The following ELP6 variants were observed in gnomAD, a reference collection of about 807,000 sequenced individuals.
ELP6 encodes elongator acetyltransferase complex subunit 6.
A neutral mutation model predicts 28.1 loss-of-function variants in ELP6; 23 were observed. That is an observed-to-expected ratio of 0.82 (90% CI 0.59 to 1.16). The LOEUF (loss-of-function observed/expected upper bound fraction) is 1.16. ELP6 is among the 50% of genes most tolerant of loss of function. The pLI is 0.00. For synonymous variants in ELP6, 132 were observed against 135.8 expected, an observed-to-expected ratio of 0.97 and a Z score of 0.19; for missense variants, 313 against 334.6, an observed-to-expected ratio of 0.94 and a Z score of 0.50.
At chr3:47,506,809 G>A (rs1003173746) in intron 3 of ELP6, among the ~76,000 whole-genome samples, 1 of 152,180 alleles carries the variant, frequency 6.6e-6, no homozygotes, top group African/African-American at 2.4e-5. Flanking sequence ...AAGAGATTAA[G>A]TAAAGACAGG....
intron 1 of ELP6, chr3:47,512,758 G>C (rs1709051266): frequency 2.1e-6 from 2 of 957,550 alleles, no homozygotes; most frequent in East Asian, 2.3e-4. Context: ...AGGAGGAAGA[G>C]TAAGAAGAAC....
rs775581894 is a variant in ELP6 at position 47,513,553 on chromosome 3, G to C, written c.38C>G (p.Pro13Arg). ...VELNNLLNTT[P>R]DRAEQGKLTL... ...ACCTCTTACCTGCTCCGCCCTGTCGGGGGTGGTGTTAAGCAGGTTATTAAG... is the reference window on the plus strand; with the variant it reads ...ACCTCTTACCTGCTCCGCCCTGTCGCGGGTGGTGTTAAGCAGGTTATTAAG... The change falls in exon 1 of 7, where the codon CCC (proline) becomes CGC (arginine). Residue 13 changes from proline to arginine, a missense_variant. Pro to Arg is a moderately radical substitution (Grantham distance 103, BLOSUM62 -2). Coordinates refer to ENST00000296149, the MANE Select transcript of ELP6 (RefSeq NM_001031703.3). 1.4e-5 allele frequency: 23 copies of C among 1,612,732 alleles called. No homozygotes were observed. Among genetic ancestry groups the C allele is most frequent in the Admixed American group, 3.3e-5 (2 of 59,840 alleles).
At chr3:47,508,782 T>G (rs1324948905) in intron 3 of ELP6, among the ~76,000 whole-genome samples, 11 of 149,314 alleles carry the variant, frequency 7.4e-5, no homozygotes, top group African/African-American at 2.7e-4. Context: ...TTTTTTTTTT[T>G]GAGATGGAGT....
intron 1 of ELP6, chr3:47,511,707 G>T: frequency 2.8e-6 from 2 of 720,300 alleles, no homozygotes; most frequent in Non-Finnish European, 3.4e-6. Flanking sequence ...AGCAGTTGCT[G>T]ATACAGATGT....
intron 1 of ELP6, chr3:47,511,847 C>T (rs1709025858): frequency 2.0e-6 from 2 of 985,628 alleles, no homozygotes; most frequent in Admixed American, 6.1e-5. Flanking sequence ...CTGTCAGTGA[C>T]AGGGAAGGTC....
At chr3:47,513,086 G>A in intron 1 of ELP6, 1 of 912,254 alleles carries the variant, frequency 1.1e-6, no homozygotes, top group Non-Finnish European at 1.3e-6. Context: ...CGCCTCCCGG[G>A]TTCAAGCAAT....
intron 1 of ELP6, chr3:47,512,482 G>C: frequency 2.5e-6 from 1 of 407,748 alleles, no homozygotes; most frequent in East Asian, 1.6e-4. Context: ...AACCCGGGAG[G>C]TGAGGTTGCA....
At chr3:47,513,129 T>C in intron 1 of ELP6, 1 of 854,668 alleles carries the variant, frequency 1.2e-6, no homozygotes, top group Non-Finnish European at 1.4e-6. Context: ...TAGCTGAGAT[T>C]ACAGGCATGA....
Position 47,509,690 on chromosome 3 carries a change from G to A in ELP6, c.204+494C>T, listed in dbSNP as rs116061701. On this transcript the variant is annotated intron_variant, in intron 3 of 6. Transcript: ENST00000296149. ...ATTAATTAACATCTACAAACAGCAG[G>A]TCTGGTTCTACGAAGTCTCGAATAA... 1.0e-2 allele frequency among the ~76,000 whole-genome samples: 1,521 copies of A among 152,270 alleles called. 10 individuals carry two copies. Among genetic ancestry groups the A allele is most frequent in the Middle Eastern group, 0.031 (9 of 292 alleles).
intron 4 of ELP6, chr3:47,504,049 A>G (rs1708751336): frequency 2.7e-6 from 1 of 364,308 alleles, no homozygotes; most frequent in South Asian, 7.1e-5. Flanking sequence ...GCACAGGTGT[A>G]TACTAGGGCT....
At chr3:47,506,571 C>A (rs1708844743) in intron 3 of ELP6, among the ~76,000 whole-genome samples, 1 of 152,212 alleles carries the variant, frequency 6.6e-6, no homozygotes, top group Non-Finnish European at 1.5e-5. Flanking sequence ...CTCCCATTTG[C>A]TTTTGAAAGA....
rs1348693122 is a variant in ELP6 at position 47,498,331 on chromosome 3, C to G, written c.627G>C (p.Arg209=). The part of the protein sequence containing the change: ...GLSHQSHLIL[R]AEGLATGFCR... ...AGAAGCCAGTGGCCAGGCCCTCAGC[C>G]CGCAGTATCAGATGGCTCTGATGAC... The change falls in exon 6 of 7, where the codon CGG becomes CGC. Residue 209 remains arginine, a synonymous_variant. Transcript: ENST00000296149. 6.2e-7 allele frequency: 1 copy of G among 1,613,804 alleles called. No individual in the cohort carries two copies. Among genetic ancestry groups the G allele is most frequent in the South Asian group, 1.1e-5 (1 of 91,086 alleles).
rs13065806 is a variant in ELP6, at chr3:47,499,730, A to G, written c.526-1298T>C. The G allele has an allele frequency of 9.0e-6, 9 of 1,003,008 alleles. No individual in the cohort carries two copies. In the Admixed American group the frequency reaches 4.8e-4, roughly 53 times the overall value. The allele number at this position is 1,003,008 out of a possible 1,614,324, so 62.1% of individuals were successfully genotyped here. A position where few individuals can be genotyped will look rare whatever the true frequency, so the allele number is the denominator to read the frequency against. Reference sequence around the variant, plus strand: ...AAAAAAAAAAGAATAGTAATAAAAAAGAAAAAGAATAAGTGGCTCCTGTAG... The same window carrying G: ...AAAAAAAAAAGAATAGTAATAAAAAGGAAAAAGAATAAGTGGCTCCTGTAG... On this transcript the variant is annotated intron_variant, in intron 5 of 6. Transcript: ENST00000296149.
At chr3:47,500,174 G>A (rs79779598) in intron 5 of ELP6, 1 of 1,124,984 alleles carries the variant, frequency 8.9e-7, no homozygotes, top group African/African-American at 1.7e-5. Context: ...AGATCCATGT[G>A]TTATTTTTGG....
At chr3:47,498,249 G>A (rs764935284) in intron 6 of ELP6, 37 bp downstream of exon 6, 28 of 1,609,640 alleles carry the variant, frequency 1.7e-5, no homozygotes, top group African/African-American at 4.0e-5. Flanking sequence ...ACAGGTACAC[G>A]GGCAAGAAGC....
chr3:47,511,573 C>T (rs1051690062), intron 1 of ELP6: 1 of 796,150 alleles, frequency 1.3e-6, no homozygotes, highest in African/African-American at 1.9e-5. Flanking sequence ...GATGCTTTTA[C>T]CATCAGACTC....
intron 4 of ELP6, chr3:47,502,467 G>A: frequency 2.0e-6 from 2 of 980,702 alleles, no homozygotes; most frequent in Non-Finnish European, 2.4e-6. Context: ...CTCAACCCAA[G>A]AGCTTAAGGA....
At chr3:47,505,602 G>A (rs1390930815) in intron 3 of ELP6, among the ~76,000 whole-genome samples, 2 of 151,522 alleles carry the variant, frequency 1.3e-5, no homozygotes, top group Non-Finnish European at 1.5e-5. Context: ...ATGGAGTTTC[G>A]CTCTTGTCGC....
chr3:47,501,643 T>G lies in ELP6; in HGVS notation c.525+7A>C. 1 of 1,613,984 alleles carries G rather than the reference T, an allele frequency of 6.2e-7. No individual in the cohort carries two copies. On this transcript the variant is annotated splice_region_variant and intron_variant, in intron 5 of 6. Transcript: ENST00000296149. ...GGTGGGCGCAGAGAAGGCAGTTCCATGAGTACCTTTAGTTCCCAGCACACG... is the reference window on the plus strand; with the variant it reads ...GGTGGGCGCAGAGAAGGCAGTTCCAGGAGTACCTTTAGTTCCCAGCACACG...
Sources: allele counts gnomAD v4.1 joint callset (sites outside exome capture counted in the v4.1 genomes callset), GRCh38; gene constraint gnomAD v4.1.1; transcripts MANE v1.5; gene names NCBI Gene and HGNC (gene_info 2026-07-23, HGNC 2026-07-21).